Variants in GRM1 observed in about 807,000 individuals in gnomAD.
GRM1 encodes glutamate metabotropic receptor 1, also known as metabotropic glutamate receptor 1.
In GRM1, 33 loss-of-function variants were observed where a neutral mutation model predicts 90.9. The observed-to-expected ratio is 0.36, with a 90% CI of 0.28 to 0.49. The LOEUF (loss-of-function observed/expected upper bound fraction) is 0.49, where lower values mean the gene tolerates loss of function less well. Among genes scored for constraint, GRM1 ranks in the 20% least tolerant of loss-of-function variants. The pLI is 0.99. For synonymous variants in GRM1, 700 were observed against 613.2 expected (o/e 1.14, Z -2.09); for missense variants, 1,190 against 1,534.3 (o/e 0.78, Z 3.75).
At chr6:146,173,738 C>A (rs111401262) in intron 2 of GRM1, among the ~76,000 whole-genome samples, 1 of 149,858 alleles carries the variant, frequency 6.7e-6, no homozygotes, top group Non-Finnish European at 1.5e-5. Flanking sequence ...ATGATCTTGG[C>A]TGACTGCAAT....
intron 1 of GRM1, among the ~76,000 whole-genome samples, chr6:146,120,794 G>T (rs1775955232): frequency 6.6e-6 from 1 of 152,190 alleles, no homozygotes; most frequent in African/African-American, 2.4e-5. Context: ...AAGCCCACTT[G>T]ATCATGGTGG....
At chr6:146,424,332 T>C (rs905352753) in intron 7 of GRM1, among the ~76,000 whole-genome samples, 2 of 152,198 alleles carry the variant, frequency 1.3e-5, no homozygotes, top group African/African-American at 4.8e-5. Flanking sequence ...TCGGGACTTA[T>C]GCCCAACCCC....
intron 1 of GRM1, among the ~76,000 whole-genome samples, chr6:146,043,796 T>TATATATAGATATATATATATATAG (rs1554260529): frequency 2.2e-5 from 3 of 137,940 alleles, no homozygotes; most frequent in African/African-American, 7.8e-5. Flanking sequence ...TATATATATA[T>TATATATAGATATATATATATATAG]ATATATATAT....
At chr6:146,359,469 A>G (rs772505672) in intron 5 of GRM1, among the ~76,000 whole-genome samples, 2 of 152,206 alleles carry the variant, frequency 1.3e-5, no homozygotes, top group Non-Finnish European at 1.5e-5. Flanking sequence ...TATTGTGCAG[A>G]CAATTACTGG....
At chr6:146,178,609 C>G (rs1778422126) in intron 2 of GRM1, among the ~76,000 whole-genome samples, 1 of 152,176 alleles carries the variant, frequency 6.6e-6, no homozygotes, top group Non-Finnish European at 1.5e-5. Context: ...GTCACTATCT[C>G]ATGTCTTCTG....
At chr6:146,196,463 A>ATTTTTTTTTTTTT (rs772811053) in intron 2 of GRM1, among the ~76,000 whole-genome samples, 1 of 85,990 alleles carries the variant, frequency 1.2e-5, no homozygotes, top group African/African-American at 4.5e-5. Flanking sequence ...AATTTTTTGT[A>ATTTTTTTTTTTTT]TTTTTTTTTT....
chr6:146,337,025 G>T (rs184941713), intron 3 of GRM1, among the ~76,000 whole-genome samples: 58 of 152,160 alleles, frequency 3.8e-4, no homozygotes, highest in Non-Finnish European at 7.2e-4. Context: ...GAACTTATTT[G>T]CCTGTCCCTC....
intron 1 of GRM1, among the ~76,000 whole-genome samples, chr6:146,069,145 A>G (rs1775947240): frequency 6.6e-6 from 1 of 152,182 alleles, no homozygotes; most frequent in Admixed American, 6.5e-5. Flanking sequence ...GACCTATTGA[A>G]GGAGAATATC....
intron 2 of GRM1, among the ~76,000 whole-genome samples, chr6:146,201,412 T>G (rs1779293093): frequency 6.6e-6 from 1 of 152,212 alleles, no homozygotes; most frequent in South Asian, 2.1e-4. Flanking sequence ...GGTATTTTAT[T>G]GCTCACAATG....
chr6:146,205,613 C>A (rs1433312091), intron 2 of GRM1, among the ~76,000 whole-genome samples: 1 of 152,180 alleles, frequency 6.6e-6, no homozygotes, highest in Non-Finnish European at 1.5e-5. Flanking sequence ...GCATATTCTT[C>A]TGTCTAAGGA....
intron 1 of GRM1, among the ~76,000 whole-genome samples, chr6:146,099,315 A>G (rs1311561827): frequency 6.6e-6 from 1 of 152,210 alleles, no homozygotes; most frequent in African/African-American, 2.4e-5. Flanking sequence ...TGAACCTGGG[A>G]GACAGAGGTT....
chr6:146,319,656 G>C (rs1323847400), intron 3 of GRM1, among the ~76,000 whole-genome samples: 3 of 152,080 alleles, frequency 2.0e-5, no homozygotes, highest in African/African-American at 7.2e-5. Context: ...GTGGTTTGTA[G>C]TTCTCCTTGA....
chr6:146,138,250 AG>A, intron 1 of GRM1, among the ~76,000 whole-genome samples: 1 of 152,120 alleles, frequency 6.6e-6, no homozygotes, highest in South Asian at 2.1e-4. Flanking sequence ...TTAGGGGAAA[AG>A]CTTTCAGTTT....
chr6:146,357,153 A>G (rs1785614995), intron 4 of GRM1, among the ~76,000 whole-genome samples: 1 of 146,350 alleles, frequency 6.8e-6, no homozygotes, highest in Non-Finnish European at 1.5e-5. Flanking sequence ...TGTGAAAAAG[A>G]AATTTGGATT....
intron 2 of GRM1, among the ~76,000 whole-genome samples, chr6:146,198,144 T>C (rs1423853392): frequency 6.6e-6 from 1 of 152,252 alleles, no homozygotes; most frequent in Non-Finnish European, 1.5e-5. Flanking sequence ...TACATGCAGC[T>C]CTTTGTATAT....
rs374733293 is a variant in GRM1 at position 146,107,922 on chromosome 6, G to T, written c.701-51426G>T. Among the ~76,000 whole-genome samples the T allele has an allele frequency of 3.9e-5, 6 of 152,176 alleles. No homozygotes were observed. In the South Asian group the frequency reaches 8.3e-4, roughly 21 times the overall value. On this transcript the variant is annotated intron_variant, in intron 1 of 7. Coordinates refer to ENST00000282753, the MANE Select transcript of GRM1 (RefSeq NM_001278064.2). ...ATTATGAAATTATTTACTTATATCA[G>T]CTGGCATTAATTGTTTTCTACTATC...
At chr6:146,160,459 T>C (rs1053358541) in intron 2 of GRM1, among the ~76,000 whole-genome samples, 1 of 152,224 alleles carries the variant, frequency 6.6e-6, no homozygotes, top group Non-Finnish European at 1.5e-5. Context: ...ATAAATAACC[T>C]GCTCAGTTTT....
At chr6:146,272,753 A>G (rs1782214655) in intron 2 of GRM1, among the ~76,000 whole-genome samples, 2 of 152,210 alleles carry the variant, frequency 1.3e-5, no homozygotes, top group African/African-American at 4.8e-5. Context: ...AAAAGAATAG[A>G]TAATTTTTTT....
chr6:146,406,734 T>C (rs1395781512), intron 7 of GRM1, among the ~76,000 whole-genome samples: 2 of 152,122 alleles, frequency 1.3e-5, no homozygotes, highest in African/African-American at 4.8e-5. Context: ...CTTGGGAGGC[T>C]GAGGCAGGAG....
Sources: allele counts gnomAD v4.1 joint callset (sites outside exome capture counted in the v4.1 genomes callset), GRCh38; gene constraint gnomAD v4.1.1; transcripts MANE v1.5; gene names NCBI Gene and HGNC (gene_info 2026-07-23, HGNC 2026-07-21).